The following KIF6 variants were observed in gnomAD, a reference collection of about 807,000 sequenced individuals.
KIF6 encodes kinesin-like protein KIF6.
KIF6 carries 106 observed loss-of-function variants against 112.7 expected under a neutral mutation model. The observed-to-expected ratio is 0.94, with a 90% confidence interval of 0.80 to 1.11. The LOEUF (loss-of-function observed/expected upper bound fraction) is 1.11, where lower values mean the gene tolerates loss of function less well. KIF6 is among the 50% of genes least tolerant of loss of function. KIF6 has a pLI of 0.00. For synonymous variants in KIF6, 339 were observed against 339.9 expected (o/e 1.00, Z 0.03); for missense variants, 929 against 964.0 (o/e 0.96, Z 0.48).
intron 3 of KIF6, among the ~76,000 whole-genome samples, chr6:39,641,582 A>G (rs1784901573): frequency 6.6e-6 from 1 of 151,552 alleles, no homozygotes; most frequent in African/African-American, 2.4e-5. Context: ...AACATGGCAC[A>G]TGTATACAAA....
At chr6:39,460,443 G>A (rs1773393609) in intron 13 of KIF6, among the ~76,000 whole-genome samples, 2 of 134,782 alleles carry the variant, frequency 1.5e-5, no homozygotes, top group African/African-American at 5.8e-5. Context: ...GTTAGTGGGT[G>A]TAGCGCACCA....
chr6:39,540,137 C>G lies in KIF6; in HGVS notation c.1511G>C (p.Arg504Thr), dbSNP rs772375823. 8.1e-6 allele frequency: 13 copies of G among 1,614,156 alleles called. No homozygotes were observed. The highest frequency in any genetic ancestry group is 1.0e-5 in the Non-Finnish European group (12 of 1,180,024). Residue 504 changes from arginine (R) to threonine (T), a missense_variant, in exon 13 of 23, where the codon AGA (arginine) becomes ACA (threonine). Arg to Thr is a moderately conservative substitution (Grantham distance 71). Coordinates refer to ENST00000287152, the MANE Select transcript of KIF6 (RefSeq NM_145027.6). ...GCGGAAGGGTGGGCTCTGGGACTGTCTGAATTCACGTCTATCCATGCCAGC... is the reference window on the plus strand; with the variant it reads ...GCGGAAGGGTGGGCTCTGGGACTGTGTGAATTCACGTCTATCCATGCCAGC... ...HLAGMDRREFRQSQSPPFRLG... is the reference protein window; with the variant it reads ...HLAGMDRREFTQSQSPPFRLG...
chr6:39,520,037 C>A (rs1777301720), intron 13 of KIF6, among the ~76,000 whole-genome samples: 1 of 151,924 alleles, frequency 6.6e-6, no homozygotes, highest in Admixed American at 6.6e-5. Context: ...AACAAATAAA[C>A]AAACTAACAA....
At chr6:39,377,390 CTCAA>C (rs368139160) in intron 16 of KIF6, among the ~76,000 whole-genome samples, 20 of 138,166 alleles carry the variant, frequency 1.4e-4, no homozygotes, top group African/African-American at 4.5e-4. Flanking sequence ...TCAGTTCAGT[CTCAA>C]TCAGTGGCTC....
chr6:39,565,357 AT>A (rs144604631), intron 10 of KIF6, among the ~76,000 whole-genome samples: 17,867 of 152,114 alleles, frequency 0.12, 1,212 homozygotes, highest in Middle Eastern at 0.22. Flanking sequence ...AGGCTTTATG[AT>A]TCTTCTGCTT....
intron 15 of KIF6, 124 bp downstream of exon 15, chr6:39,419,824 C>T (rs1471711488): frequency 2.4e-6 from 2 of 843,938 alleles, no homozygotes; most frequent in African/African-American, 1.7e-5. Context: ...AAGCAGCTTC[C>T]TTGGCAGGGG....
chr6:39,535,926 A>T (rs546409779), intron 13 of KIF6, among the ~76,000 whole-genome samples: 1 of 152,328 alleles, frequency 6.6e-6, no homozygotes, highest in East Asian at 1.9e-4. Context: ...AAACCGCTCA[A>T]CTACATGGAA....
At chr6:39,660,987 C>T (rs1786108297) in intron 3 of KIF6, among the ~76,000 whole-genome samples, 1 of 152,134 alleles carries the variant, frequency 6.6e-6, no homozygotes, top group Admixed American at 6.6e-5. Context: ...TATTGCACTG[C>T]TGCTTTTTCC....
intron 13 of KIF6, among the ~76,000 whole-genome samples, chr6:39,508,636 A>C (rs1776583587): frequency 6.6e-6 from 1 of 152,056 alleles, no homozygotes; most frequent in Admixed American, 6.5e-5. Context: ...GATCAACCTG[A>C]GACGCTGGAG....
chr6:39,576,473 A>C (rs540732538), intron 10 of KIF6, among the ~76,000 whole-genome samples: 1 of 152,302 alleles, frequency 6.6e-6, no homozygotes, highest in South Asian at 2.1e-4. Context: ...TTGACTCTGC[A>C]TCACAAGAAA....
intron 3 of KIF6, among the ~76,000 whole-genome samples, chr6:39,687,872 C>T (rs1349452727): frequency 6.6e-6 from 1 of 152,058 alleles, no homozygotes; most frequent in Non-Finnish European, 1.5e-5. Flanking sequence ...TTTAATTACT[C>T]CATGTAAAGC....
chr6:39,573,732 C>T (rs1008519611), intron 10 of KIF6, among the ~76,000 whole-genome samples: 3 of 152,116 alleles, frequency 2.0e-5, no homozygotes, highest in Non-Finnish European at 4.4e-5. Flanking sequence ...GATTCCTGAG[C>T]CCAAAAGTAA....
rs1183996396 is a variant in KIF6 at position 39,342,931 on chromosome 6, T to C, written c.2428+778A>G. 2.0e-6 allele frequency: 2 copies of C among 985,412 alleles called. No homozygotes were observed. The highest frequency in any genetic ancestry group is 2.4e-6 in the Non-Finnish European group (2 of 829,922). 61.0% of individuals were successfully genotyped at this position (985,412 alleles called of 1,614,324 possible). A position where few individuals can be genotyped will look rare whatever the true frequency, so the allele number is the denominator to read the frequency against. On this transcript the variant is annotated intron_variant, in intron 22 of 22. Transcript: ENST00000287152. The surrounding 1 kb of genome is among the most constrained non-coding windows in gnomAD (Gnocchi z 4.7). ...ATTATACATCGAATCTGCCAGCCCA[T>C]ACCATCACGGTGGGGGCGCCTTTCT...
intron 13 of KIF6, among the ~76,000 whole-genome samples, chr6:39,516,304 A>G (rs571044676): frequency 2.0e-5 from 3 of 151,132 alleles, no homozygotes; most frequent in African/African-American, 7.3e-5. Flanking sequence ...CAATGGATAT[A>G]TATATAAAGA....
intron 16 of KIF6, among the ~76,000 whole-genome samples, chr6:39,383,234 T>C (rs1208412771): frequency 6.6e-6 from 1 of 152,216 alleles, no homozygotes; most frequent in Non-Finnish European, 1.5e-5. Flanking sequence ...CATAGATTCA[T>C]TGTCTAGACC....
intron 6 of KIF6, among the ~76,000 whole-genome samples, chr6:39,601,983 C>A (rs929457127): frequency 8.5e-5 from 13 of 152,092 alleles, no homozygotes; most frequent in Non-Finnish European, 1.6e-4. Context: ...GACTTCAATC[C>A]AAGTACTTTT....
At position 39,342,853 on chromosome 6, in the gene KIF6, G is replaced by C. The variant is rs1315377205; in HGVS notation, c.2428+856C>G. ...GCACAAACCTCTTCCTGCCCAAACT[G>C]CACACGGCTGGTGGAGAAGCTGAGT... On this transcript the variant is annotated intron_variant, in intron 22 of 22. Coordinates refer to ENST00000287152, the MANE Select transcript of KIF6 (RefSeq NM_145027.6). This position sits in a 1 kb window ranked among gnomAD's most constrained non-coding sequence, Gnocchi z 4.7. 1.2e-5 allele frequency: 12 copies of C among 985,256 alleles called. No homozygotes were observed. The highest frequency in any genetic ancestry group is 7.0e-5 in the African/African-American group (4 of 57,206). 61.0% of individuals were successfully genotyped at this position (985,256 alleles called of 1,614,324 possible). A position where few individuals can be genotyped will look rare whatever the true frequency, so the allele number is the denominator to read the frequency against.
intron 13 of KIF6, among the ~76,000 whole-genome samples, chr6:39,468,690 T>A (rs180919248): frequency 3.3e-5 from 5 of 151,986 alleles, no homozygotes; most frequent in Admixed American, 1.3e-4. Flanking sequence ...TGCAAACAGA[T>A]CTGCCTTACA....
At chr6:39,350,992 C>A (rs901734039) in intron 19 of KIF6, among the ~76,000 whole-genome samples, 3 of 152,112 alleles carry the variant, frequency 2.0e-5, no homozygotes, top group African/African-American at 7.2e-5. Context: ...CGGCAGCAAC[C>A]ACAGGGGACA....
Sources: gnomAD v4.1 joint callset for allele counts (sites outside exome capture counted in the v4.1 genomes callset) on GRCh38, gnomAD v4.1.1 for gene constraint, Gnocchi (gnomAD v3.1) non-coding constraint, MANE v1.5 for transcripts, NCBI Gene and HGNC (gene_info 2026-07-23, HGNC 2026-07-21) for gene names.